Variants in E2F7 observed in about 807,000 individuals in gnomAD.
The protein encoded by E2F7 is transcription factor E2F7.
E2F7 carries 35 observed loss-of-function variants against 81.1 expected under a neutral mutation model. The ratio of observed to expected loss-of-function variants is 0.43; its 90% confidence interval spans 0.33 to 0.57. E2F7 has a LOEUF of 0.57. E2F7 is among the 20% of genes least tolerant of loss of function. The probability of loss-of-function intolerance (pLI) is 0.04; values close to 1 mark genes in which losing one functional copy is unlikely to be tolerated. For missense variants in E2F7, 961 were observed against 1,093.7 expected (o/e 0.88, Z 1.71); for synonymous variants, 416 against 416.2 (o/e 1.00, Z 0.01).
chr12:77,051,030 G>A (rs1050246661), intron 3 of E2F7, among the ~76,000 whole-genome samples: 13 of 152,054 alleles, frequency 8.5e-5, no homozygotes, highest in African/African-American at 2.2e-4. Flanking sequence ...CTACTAGTGC[G>A]CTCGCTAGGC....
chr12:77,049,972 C>G (rs1296074200), intron 4 of E2F7, among the ~76,000 whole-genome samples: 3 of 152,130 alleles, frequency 2.0e-5, no homozygotes, highest in Non-Finnish European at 4.4e-5. Flanking sequence ...GGTCTCTATT[C>G]TGAAGCAGGT....
At chr12:77,041,277 C>T (rs983867147) in intron 7 of E2F7, among the ~76,000 whole-genome samples, 2 of 152,132 alleles carry the variant, frequency 1.3e-5, no homozygotes, top group Non-Finnish European at 2.9e-5. Context: ...CTGCAACCTC[C>T]GCCTCCCTGG....
In E2F7 at chr12:77,027,865, CATG is replaced by C; in HGVS notation, c.2140+15_2140+17del. On this transcript the variant is annotated intron_variant, in intron 11 of 12. Transcript: ENST00000322886. ...CTGACTGCCGCAAGGGACTCTAAGA[CATG>C]ATGACATCCCTTACCTGCAGGAGAC... The C allele has an allele frequency of 6.2e-7, 1 of 1,612,906 alleles. No individual in the cohort carries two copies. The highest frequency in any genetic ancestry group is 8.5e-7 in the Non-Finnish European group (1 of 1,179,510).
chr12:77,033,941 C>A lies in E2F7; in HGVS notation c.1225G>T (p.Gly409Cys). ...GAAGCCTGAACTGTGTTAAAAGAAC[C>A]ATGGCGAGCCAGCTTCTGTTTTGCA... is the stretch of plus-strand genomic sequence containing the variant. ...VCAKQKLARHGSFNTVQASER... is the reference protein window; with the variant it reads ...VCAKQKLARHCSFNTVQASER... The change falls in exon 8 of 13, where the codon GGT becomes TGT. Residue 409 changes from glycine (G) to cysteine (C), a missense_variant. Transcript: ENST00000322886. 6.2e-7 allele frequency: 1 copy of A among 1,614,210 alleles called. No homozygotes were observed. The highest frequency in any genetic ancestry group is 8.5e-7 in the Non-Finnish European group (1 of 1,180,022).
chr12:77,036,914 TA>T (rs1954854903), intron 7 of E2F7, among the ~76,000 whole-genome samples: 1 of 152,066 alleles, frequency 6.6e-6, no homozygotes, highest in African/African-American at 2.4e-5. Flanking sequence ...GCTAATCAGC[TA>T]ATTTTTTGTA....
chr12:77,051,545 G>A (rs976754426), intron 3 of E2F7, among the ~76,000 whole-genome samples: 3 of 152,120 alleles, frequency 2.0e-5, no homozygotes, highest in Non-Finnish European at 4.4e-5. Flanking sequence ...TAAATGATGA[G>A]TTAATGGGTG....
chr12:77,064,315 T>G (rs1287497225), intron 2 of E2F7, among the ~76,000 whole-genome samples: 3 of 152,250 alleles, frequency 2.0e-5, no homozygotes, highest in Non-Finnish European at 1.5e-5. Context: ...ATAAATTGGT[T>G]ACAACATTAC....
intron 3 of E2F7, among the ~76,000 whole-genome samples, chr12:77,052,043 T>C (rs1000336503): frequency 6.6e-6 from 1 of 152,200 alleles, no homozygotes; most frequent in African/African-American, 2.4e-5. Context: ...TGAAAAGACA[T>C]CATTTACGAA....
intron 2 of E2F7, among the ~76,000 whole-genome samples, chr12:77,059,053 T>C (rs1004055139): frequency 3.9e-5 from 6 of 152,002 alleles, no homozygotes; most frequent in African/African-American, 1.5e-4. Flanking sequence ...TGGACAGAGA[T>C]TTACATGCCT....
At chr12:77,055,819 G>A (rs1565911653) in intron 3 of E2F7, 36 bp downstream of exon 3, 1 of 1,533,368 alleles carries the variant, frequency 6.5e-7, no homozygotes, top group Non-Finnish European at 8.7e-7. Flanking sequence ...AATTGTTTAA[G>A]TTCTAAAAAA....
rs1473505663 is a variant in E2F7, at chr12:77,044,651, T to C, written c.974A>G (p.His325Arg). 2 of 1,613,896 alleles carry C rather than the reference T, an allele frequency of 1.2e-6. No homozygotes were observed. Among genetic ancestry groups the C allele is most frequent in the Non-Finnish European group, 1.7e-6 (2 of 1,179,924 alleles). Residue 325 changes from histidine (H) to arginine (R), a missense_variant, in exon 6 of 13, where the codon CAT (histidine) becomes CGT (arginine). His to Arg is a conservative substitution (Grantham distance 29). Around this residue, in one of 3 missense-constraint regions of E2F7, gnomAD observed 301 missense variants for 405.0 expected, o/e 0.74. Transcript: ENST00000322886. ...AAGATTCTTACTTTTAAATTTACTA[T>C]GGTCTGGGGCATCTTGGCTTTCTTC... ...LIEESQDAPD[H>R]SKFKTKVRRL... is the part of the protein sequence containing the mutation.
chr12:77,060,043 G>A (rs1955066411), intron 2 of E2F7, among the ~76,000 whole-genome samples: 1 of 151,398 alleles, frequency 6.6e-6, no homozygotes, highest in African/African-American at 2.4e-5. Context: ...CTCCCCAGAG[G>A]GTCATTTCCA....
At chr12:77,048,428 A>G (rs572078860) in intron 4 of E2F7, among the ~76,000 whole-genome samples, 1 of 152,328 alleles carries the variant, frequency 6.6e-6, no homozygotes, top group South Asian at 2.1e-4. Context: ...CTCAGCCCAG[A>G]AAACAGTTTC....
At chr12:77,030,394 T>C (rs1954797107) in intron 9 of E2F7, 62 bp from the exon 10 acceptor site, 1 of 1,500,310 alleles carries the variant, frequency 6.7e-7, no homozygotes, top group Non-Finnish European at 8.9e-7. Flanking sequence ...CCCTTTACTT[T>C]CCCAAAGACA....
chr12:77,030,333 C>T lies in E2F7; in HGVS notation c.1383-1G>A, dbSNP rs2120634461. The T allele has an allele frequency of 6.6e-7, 1 of 1,525,392 alleles. No individual in the cohort carries two copies. Among genetic ancestry groups the T allele is most frequent in the Admixed American group, 2.2e-5 (1 of 45,146 alleles). The allele number at this position is 1,525,392 out of a possible 1,614,324, so 94.5% of individuals were successfully genotyped here. On this transcript the variant is annotated splice_acceptor_variant, in intron 9 of 12. Transcript: ENST00000322886. LOFTEE classifies it high-confidence loss of function. ...TCTCTTACTGGCAAAGGCTTTTCCC[C>T]TATAATAAAAAAGAAACGTAACGAA...
chr12:77,047,504 A>G (rs1954953152), intron 4 of E2F7, among the ~76,000 whole-genome samples: 1 of 152,236 alleles, frequency 6.6e-6, no homozygotes, highest in Non-Finnish European at 1.5e-5. Context: ...CCTTGGGCAC[A>G]TAGCAAAAGC....
At chr12:77,030,441 G>A (rs1954797634) in intron 9 of E2F7, 109 bp from the exon 10 acceptor site, 2 of 1,378,356 alleles carry the variant, frequency 1.5e-6, no homozygotes, top group African/African-American at 1.4e-5. Context: ...TACTCCTCAG[G>A]CAGATACGAA....
chr12:77,043,283 C>A, intron 6 of E2F7, 84 bp from the exon 7 acceptor site: 1 of 1,582,726 alleles, frequency 6.3e-7, no homozygotes, highest in South Asian at 1.1e-5. Context: ...CTTTTCTCGG[C>A]TGCCATATAA....
In E2F7 at chr12:77,030,298, G is replaced by T. The variant is rs571847836; in HGVS notation, c.1417C>A (p.Pro473Thr). 1.9e-6 allele frequency: 3 copies of T among 1,573,180 alleles called. No individual in the cohort carries two copies. The highest frequency in any genetic ancestry group is 2.3e-5 in the East Asian group (1 of 44,326). ...KAFASKRVVPPSSSLDPVAPF... is the reference protein window; with the variant it reads ...KAFASKRVVPTSSSLDPVAPF... ...GCAACAGGGTCCAAGCTGCTTGATG[G>T]AGGCACCACTCTCTTACTGGCAAAG... Residue 473 changes from proline (P) to threonine (T), a missense_variant, in exon 10 of 13, where the codon CCA becomes ACA. Around this residue, in one of 3 missense-constraint regions of E2F7, gnomAD observed 587 missense variants for 620.3 expected, o/e 0.95. Coordinates refer to ENST00000322886, the MANE Select transcript of E2F7 (RefSeq NM_203394.3).
Sources: allele counts gnomAD v4.1 joint callset (sites outside exome capture counted in the v4.1 genomes callset), GRCh38; gene constraint gnomAD v4.1.1; regional missense constraint gnomAD v4.1.1; transcripts MANE v1.5; gene names NCBI Gene and HGNC (gene_info 2026-07-23, HGNC 2026-07-21).